RAD54L2: variants seen among roughly 807,000 people sequenced by gnomAD.
RAD54L2 encodes the protein RAD54 like 2, also known as helicase ARIP4.
A neutral mutation model predicts 138.4 loss-of-function variants in RAD54L2; 27 were observed. The ratio of observed to expected loss-of-function variants is 0.20; its 90% CI spans 0.14 to 0.27. RAD54L2 has a LOEUF of 0.27. Ranked by LOEUF, RAD54L2 falls within the 10% of genes least tolerant of loss-of-function variation. The probability of loss-of-function intolerance (pLI) is 1.00; values close to 1 mark genes in which losing one functional copy is unlikely to be tolerated. For missense variants in RAD54L2, 1,396 were observed against 1,890.2 expected (o/e 0.74, Z 4.85); for synonymous variants, 644 against 723.2 (o/e 0.89, Z 1.76).
intron 19 of RAD54L2, among the ~76,000 whole-genome samples, chr3:51,650,084 G>A (rs780714937): frequency 7.2e-5 from 11 of 152,140 alleles, no homozygotes; most frequent in Non-Finnish European, 1.3e-4. Flanking sequence ...TAAAGGGATG[G>A]AGGAAGACCT....
chr3:51,617,438 A>AT (rs1225273970), intron 3 of RAD54L2, among the ~76,000 whole-genome samples: 1 of 152,076 alleles, frequency 6.6e-6, no homozygotes, highest in Non-Finnish European at 1.5e-5. Flanking sequence ...CATATTTTAA[A>AT]TTTGCATTTT....
chr3:51,599,940 AT>A (rs1199067176), intron 3 of RAD54L2, among the ~76,000 whole-genome samples: 2 of 136,844 alleles, frequency 1.5e-5, no homozygotes, highest in African/African-American at 2.7e-5. Context: ...TTTATTTTTT[AT>A]TTTTTTTGAG....
At chr3:51,565,857 C>A (rs1401303532) in intron 2 of RAD54L2, among the ~76,000 whole-genome samples, 1 of 120,928 alleles carries the variant, frequency 8.3e-6, no homozygotes, top group Non-Finnish European at 1.6e-5. Flanking sequence ...GAGACGGAGT[C>A]TTGCTCTGTC....
intron 3 of RAD54L2, among the ~76,000 whole-genome samples, chr3:51,592,043 TTG>T (rs893776326): frequency 6.7e-6 from 1 of 149,174 alleles, no homozygotes; most frequent in Non-Finnish European, 1.5e-5. Flanking sequence ...GCTGTGCAAT[TTG>T]GTTTTGGTGT....
At chr3:51,593,342 T>C (rs931437173) in intron 3 of RAD54L2, among the ~76,000 whole-genome samples, 3 of 149,302 alleles carry the variant, frequency 2.0e-5, no homozygotes, top group Admixed American at 6.7e-5. Context: ...TTTTTTTTTA[T>C]GTTTTTTTGA....
chr3:51,655,526 G>A (rs987067343), intron 19 of RAD54L2, among the ~76,000 whole-genome samples: 5 of 152,196 alleles, frequency 3.3e-5, no homozygotes, highest in African/African-American at 1.2e-4. Flanking sequence ...TCACCTAAAC[G>A]TGTCGTTACA....
At position 51,666,846 on chromosome 3, in the gene RAD54L2, G is replaced by A. The variant is rs1020291754; in HGVS notation, c.*3426G>A. The A allele has an allele frequency of 7.9e-5, 12 of 151,940 alleles. No homozygotes were observed. The highest frequency in any genetic ancestry group is 2.9e-4 in the African/African-American group (12 of 41,296). The allele number at this position is 151,940 out of a possible 1,614,324, so 9.4% of individuals were successfully genotyped here. ...GAGTCTCTATATGCTTGTGATCCTT[G>A]GAGCTCTCTTCCCTAGGAATTAGTG... On this transcript the variant is annotated 3_prime_UTR_variant, in exon 23 of 23. Coordinates refer to ENST00000684192, the MANE Select transcript of RAD54L2 (RefSeq NM_015106.4).
chr3:51,607,751 C>A (rs1445259559), intron 3 of RAD54L2, among the ~76,000 whole-genome samples: 6 of 147,326 alleles, frequency 4.1e-5, no homozygotes, highest in African/African-American at 1.0e-4. Context: ...ACTTCCCAGA[C>A]GGGGTGGCCG....
chr3:51,585,583 C>A (rs1251398749), intron 2 of RAD54L2, among the ~76,000 whole-genome samples: 2 of 152,172 alleles, frequency 1.3e-5, no homozygotes, highest in Admixed American at 6.5e-5. Flanking sequence ...AGGTACCACT[C>A]TATTGACAGG....
At chr3:51,542,287 A>G (rs144919367) in intron 2 of RAD54L2, among the ~76,000 whole-genome samples, 1 of 152,270 alleles carries the variant, frequency 6.6e-6, no homozygotes, top group African/African-American at 2.4e-5. Flanking sequence ...GTAGTAGTTA[A>G]TGTGTATTAT....
At position 51,635,707 on chromosome 3, in the gene RAD54L2, T is replaced by A; in HGVS notation, c.1257T>A (p.Gly419=). The A allele has an allele frequency of 3.7e-6, 6 of 1,613,788 alleles. No individual in the cohort carries two copies. The highest frequency in any genetic ancestry group is 3.4e-6 in the Non-Finnish European group (4 of 1,179,848). The stretch of plus-strand genomic sequence containing the variant: ...CTCTGAAGAAATCATTTGCCACAGG[T>A]AGACCGAAGAAAACCAAGAAGCGTT... ...LLTLKKSFAT[G]RPKKTKKRSH... Residue 419 remains glycine, a synonymous_variant, in exon 10 of 23, where the codon GGT becomes GGA. Coordinates refer to ENST00000684192, the MANE Select transcript of RAD54L2 (RefSeq NM_015106.4).
Position 51,646,337 on chromosome 3 carries a change from C to A in RAD54L2, c.2882C>A (p.Thr961Asn). 6.2e-7 allele frequency: 1 copy of A among 1,608,376 alleles called. No homozygotes were observed. Among genetic ancestry groups the A allele is most frequent in the East Asian group, 2.2e-5 (1 of 44,640 alleles). Residue 961 changes from threonine to asparagine, a missense_variant, in exon 19 of 23, where the codon ACC becomes AAC. Transcript: ENST00000684192. ...LLLNRKDHKL[T>N]KAEKKAAKKS... ...TTGAACCGAAAGGATCACAAGCTAA[C>A]CAAGGCTGAGAAAAAAGCAGCAAAG...
intron 2 of RAD54L2, among the ~76,000 whole-genome samples, chr3:51,561,355 C>T (rs1175681417): frequency 6.6e-6 from 1 of 152,120 alleles, no homozygotes; most frequent in Non-Finnish European, 1.5e-5. Flanking sequence ...AAGTGATTCT[C>T]CTGCCTCAGC....
chr3:51,641,668 G>A (rs1701139717), intron 14 of RAD54L2, 81 bp from the exon 15 acceptor site: 7 of 916,862 alleles, frequency 7.6e-6, no homozygotes, highest in Non-Finnish European at 1.2e-5. Context: ...TTGTCAGAAA[G>A]TTGCACAAGA....
chr3:51,554,538 A>G (rs1237797838), intron 2 of RAD54L2, among the ~76,000 whole-genome samples: 1 of 152,174 alleles, frequency 6.6e-6, no homozygotes, highest in Non-Finnish European at 1.5e-5. Context: ...AAATAAATAA[A>G]TAAATAAATA....
chr3:51,561,270 C>A (rs1699090802), intron 2 of RAD54L2, among the ~76,000 whole-genome samples: 1 of 152,126 alleles, frequency 6.6e-6, no homozygotes, highest in African/African-American at 2.4e-5. Context: ...TTAGGTGAGA[C>A]AGAGTTGCTC....
At chr3:51,630,971 T>C in intron 7 of RAD54L2, 40 bp downstream of exon 7, 1 of 1,558,772 alleles carries the variant, frequency 6.4e-7, no homozygotes, top group Non-Finnish European at 8.8e-7. Context: ...TTCCTTTTTG[T>C]TTCCTTGTTG....
At chr3:51,629,896 G>A (rs113678620) in intron 5 of RAD54L2, among the ~76,000 whole-genome samples, 3,707 of 152,068 alleles carry the variant, frequency 0.024, 73 homozygotes, top group Non-Finnish European at 0.032. Flanking sequence ...AATAATTGTG[G>A]CCTCTCAGGA....
intron 3 of RAD54L2, among the ~76,000 whole-genome samples, chr3:51,603,539 G>C (rs1332280293): frequency 6.6e-6 from 1 of 152,028 alleles, no homozygotes; most frequent in Non-Finnish European, 1.5e-5. Context: ...CCTGGGAGTG[G>C]AGGTTGCAGT....
Sources: gnomAD v4.1 joint callset for allele counts (sites outside exome capture counted in the v4.1 genomes callset) on GRCh38, gnomAD v4.1.1 for gene constraint, MANE v1.5 for transcripts, NCBI Gene and HGNC (gene_info 2026-07-23, HGNC 2026-07-21) for gene names.